The following NKAIN3 variants were observed in gnomAD, a reference collection of about 807,000 sequenced individuals.
NKAIN3 encodes the protein sodium/potassium transporting ATPase interacting 3.
Under a neutral mutation model 30.2 loss-of-function variants are expected in NKAIN3, and 25 were observed. The ratio of observed to expected loss-of-function variants is 0.83; its 90% confidence interval spans 0.60 to 1.16. The LOEUF is 1.16. Ranked by LOEUF, NKAIN3 falls within the 50% of genes most tolerant of loss-of-function variation. NKAIN3 has a pLI of 0.00. For synonymous variants in NKAIN3, 91 were observed against 89.6 expected (o/e 1.02, Z -0.09); for missense variants, 225 against 254.1 (o/e 0.89, Z 0.78).
chr8:62,384,658 G>A (rs546978598), intron 1 of NKAIN3, among the ~76,000 whole-genome samples: 2 of 152,234 alleles, frequency 1.3e-5, no homozygotes, highest in South Asian at 4.1e-4. Flanking sequence ...TGTATTTTGA[G>A]CATGATCCAA....
intron 1 of NKAIN3, among the ~76,000 whole-genome samples, chr8:62,344,244 C>A (rs576239505): frequency 6.6e-6 from 1 of 151,980 alleles, no homozygotes; most frequent in Non-Finnish European, 1.5e-5. Flanking sequence ...GGTAGCCCAA[C>A]CTCTATGACT....
At position 62,251,573 on chromosome 8, in the gene NKAIN3, A is replaced by G. The variant is rs1563906524; in HGVS notation, c.54+2446A>G. Among the ~76,000 whole-genome samples the G allele has an allele frequency of 2.0e-5, 3 of 152,354 alleles. No homozygotes were observed. In the East Asian group the frequency reaches 5.8e-4, roughly 29 times the overall value. ...ACTTTACTTCATCAATTACATGAAA[A>G]GATTCTTGGCTGAATTGGATAATAG... On this transcript the variant is annotated intron_variant, in intron 1 of 6. Coordinates refer to ENST00000623646, the MANE Select transcript of NKAIN3 (RefSeq NM_001304533.3).
intron 1 of NKAIN3, among the ~76,000 whole-genome samples, chr8:62,369,910 G>T (rs1437647880): frequency 6.6e-6 from 1 of 151,524 alleles, no homozygotes; most frequent in Non-Finnish European, 1.5e-5. Flanking sequence ...TGGCATTCCA[G>T]CCAAGATAGA....
intron 3 of NKAIN3, among the ~76,000 whole-genome samples, chr8:62,668,668 A>G (rs532988123): frequency 2.0e-5 from 3 of 152,334 alleles, no homozygotes; most frequent in African/African-American, 7.2e-5. Context: ...TGACATGCCT[A>G]AGCAATTTGC....
chr8:62,784,371 A>G (rs1359994738), intron 4 of NKAIN3, among the ~76,000 whole-genome samples: 1 of 152,048 alleles, frequency 6.6e-6, no homozygotes, highest in Non-Finnish European at 1.5e-5. Flanking sequence ...AACAAAACTG[A>G]TAAAGCTTTA....
intron 1 of NKAIN3, among the ~76,000 whole-genome samples, chr8:62,368,100 T>A (rs2129593020): frequency 6.6e-6 from 1 of 152,276 alleles, no homozygotes; most frequent in African/African-American, 2.4e-5. Flanking sequence ...ATATCTTATG[T>A]CCATACATTG....
intron 3 of NKAIN3, among the ~76,000 whole-genome samples, chr8:62,622,856 G>A (rs193183262): frequency 2.0e-5 from 3 of 152,004 alleles, no homozygotes; most frequent in Non-Finnish European, 4.4e-5. Flanking sequence ...TCTAAATCCT[G>A]AAGATTTTCT....
chr8:62,786,857 GTTTGAATGCAGTTGTCAGTGCT>G (rs1350535055), intron 4 of NKAIN3, among the ~76,000 whole-genome samples: 2 of 152,180 alleles, frequency 1.3e-5, no homozygotes, highest in Non-Finnish European at 2.9e-5. Context: ...CATGTGAACA[GTTTGAATGCAGTTGTCAGTGCT>G]TGTTCCTGGA....
At chr8:62,401,389 G>A (rs1425228965) in intron 1 of NKAIN3, among the ~76,000 whole-genome samples, 6 of 151,940 alleles carry the variant, frequency 3.9e-5, no homozygotes, top group Non-Finnish European at 8.8e-5. Flanking sequence ...TGAATTTTCT[G>A]TCTGTAAGGT....
intron 3 of NKAIN3, among the ~76,000 whole-genome samples, chr8:62,620,935 A>G (rs888487031): frequency 1.4e-4 from 21 of 152,172 alleles, no homozygotes; most frequent in Admixed American, 3.3e-4. Flanking sequence ...AGAGGAAAAT[A>G]TAGGGCTGGC....
At chr8:62,934,064 TTAAAA>T (rs1397010750) in intron 5 of NKAIN3, among the ~76,000 whole-genome samples, 2 of 152,274 alleles carry the variant, frequency 1.3e-5, no homozygotes, top group East Asian at 3.9e-4. Context: ...TGAGTGACTC[TTAAAA>T]TAAGAGAAAA....
intron 4 of NKAIN3, among the ~76,000 whole-genome samples, chr8:62,914,777 CT>C (rs34474788): frequency 0.13 from 14,903 of 112,118 alleles, 621 homozygotes; most frequent in Middle Eastern, 0.18. Flanking sequence ...TTACTGTAAT[CT>C]TTTTTTTTTT....
At chr8:62,900,653 AACTAAACCCT>A (rs1027684921) in intron 4 of NKAIN3, among the ~76,000 whole-genome samples, 96 of 152,364 alleles carry the variant, frequency 6.3e-4, no homozygotes, top group African/African-American at 2.2e-3. Context: ...AATAGTATCC[AACTAAACCCT>A]GTGCTAAGCA....
intron 4 of NKAIN3, among the ~76,000 whole-genome samples, chr8:62,807,975 AT>A (rs1242115163): frequency 2.6e-5 from 4 of 152,060 alleles, no homozygotes; most frequent in Admixed American, 2.0e-4. Flanking sequence ...TTATTTTCAA[AT>A]TTTAAAAAAG....
At position 62,976,836 on chromosome 8, in the gene NKAIN3, A is replaced by G. The variant is rs1328066585; in HGVS notation, c.*11429A>G. 5.3e-5 allele frequency among the ~76,000 whole-genome samples: 8 copies of G among 152,170 alleles called. No homozygotes were observed. The East Asian group carries it at 1.5e-3, about 29-fold the overall frequency. ...TGGCTGGTACTGGTTGTTCCTTTCCATATTTAGTACTTCTTTCAGAAGCTC... is the reference window on the plus strand; with the variant it reads ...TGGCTGGTACTGGTTGTTCCTTTCCGTATTTAGTACTTCTTTCAGAAGCTC... On this transcript the variant is annotated 3_prime_UTR_variant, in exon 7 of 7. Transcript: ENST00000623646.
intron 4 of NKAIN3, among the ~76,000 whole-genome samples, chr8:62,800,650 T>C (rs564660271): frequency 3.3e-5 from 5 of 152,266 alleles, no homozygotes; most frequent in Non-Finnish European, 7.4e-5. Context: ...GATGGCCAAA[T>C]AGGAAGAGCT....
At chr8:62,402,340 C>A (rs1803901041) in intron 1 of NKAIN3, among the ~76,000 whole-genome samples, 1 of 152,122 alleles carries the variant, frequency 6.6e-6, no homozygotes. Flanking sequence ...TGACTCAGGG[C>A]AAGTCAAGAA....
intron 1 of NKAIN3, among the ~76,000 whole-genome samples, chr8:62,468,832 G>A (rs189418376): frequency 6.6e-6 from 1 of 152,204 alleles, no homozygotes; most frequent in East Asian, 1.9e-4. Context: ...GAATGAATTT[G>A]TCATCCCCCG....
intron 1 of NKAIN3, among the ~76,000 whole-genome samples, chr8:62,370,534 T>C (rs1271213599): frequency 6.6e-6 from 1 of 151,892 alleles, no homozygotes; most frequent in Admixed American, 6.6e-5. Flanking sequence ...TGATCATATA[T>C]GTATTCCTCT....
Sources: allele counts gnomAD v4.1 joint callset (sites outside exome capture counted in the v4.1 genomes callset), GRCh38; gene constraint gnomAD v4.1.1; transcripts MANE v1.5; gene names NCBI Gene and HGNC (gene_info 2026-07-23, HGNC 2026-07-21).